The following MGAT4C variants were observed in gnomAD, a reference collection of about 807,000 sequenced individuals.
MGAT4C encodes the protein alpha-1,3-mannosyl-glycoprotein 4-beta-N-acetylglucosaminyltransferase C.
A neutral mutation model predicts 40.1 loss-of-function variants in MGAT4C; 19 were observed. That is an observed-to-expected ratio of 0.47 (90% CI 0.33 to 0.70). The LOEUF is 0.70. Ranked by LOEUF, MGAT4C falls within the 30% of genes least tolerant of loss-of-function variation. MGAT4C has a pLI of 0.02. For synonymous variants in MGAT4C, 181 were observed against 187.1 expected, an observed-to-expected ratio of 0.97 and a Z score of 0.27; for missense variants, 491 against 563.2, an observed-to-expected ratio of 0.87 and a Z score of 1.30.
chr12:86,626,069 G>T (rs1363552126), intron 2 of MGAT4C, among the ~76,000 whole-genome samples: 1 of 152,134 alleles, frequency 6.6e-6, no homozygotes, highest in African/African-American at 2.4e-5. Flanking sequence ...TTAAAAGAAT[G>T]GGGAAGTGGC....
chr12:86,762,054 CTT>C (rs762352642), intron 1 of MGAT4C, among the ~76,000 whole-genome samples: 2 of 143,508 alleles, frequency 1.4e-5, no homozygotes, highest in Admixed American at 7.0e-5. Flanking sequence ...ATAGGCTGCA[CTT>C]TTTTTTTTTT....
intron 1 of MGAT4C, among the ~76,000 whole-genome samples, chr12:86,208,982 G>T (rs576663724): frequency 6.6e-6 from 1 of 152,130 alleles, no homozygotes; most frequent in East Asian, 1.9e-4. Context: ...TTTTTCATTT[G>T]TATGGACTTT....
chr12:86,823,999 G>A (rs1052645406), intron 1 of MGAT4C, among the ~76,000 whole-genome samples: 10 of 151,310 alleles, frequency 6.6e-5, no homozygotes, highest in Non-Finnish European at 1.5e-4. Flanking sequence ...AAATAAACAA[G>A]GTGTAAGTTT....
chr12:86,183,148 T>C (rs555032665), intron 1 of MGAT4C, among the ~76,000 whole-genome samples: 24 of 152,212 alleles, frequency 1.6e-4, no homozygotes, highest in Admixed American at 7.2e-4. Flanking sequence ...GCTTTATGTT[T>C]TCACATATAT....
At chr12:86,253,185 G>C (rs1461432641) in intron 1 of MGAT4C, among the ~76,000 whole-genome samples, 1 of 151,798 alleles carries the variant, frequency 6.6e-6, no homozygotes, top group African/African-American at 2.4e-5. Flanking sequence ...AAAGATGAGA[G>C]CTTTTCAGGT....
intron 2 of MGAT4C, among the ~76,000 whole-genome samples, chr12:86,573,422 G>T (rs1349448907): frequency 2.0e-5 from 3 of 151,988 alleles, no homozygotes; most frequent in Non-Finnish European, 4.4e-5. Context: ...AAAAGAGAAA[G>T]AAATTGAGTC....
At chr12:86,615,821 G>T (rs762181695) in intron 2 of MGAT4C, among the ~76,000 whole-genome samples, 7 of 151,930 alleles carry the variant, frequency 4.6e-5, no homozygotes, top group Non-Finnish European at 1.0e-4. Flanking sequence ...TAAATTTATG[G>T]ACACACTCTA....
At chr12:86,369,324 T>C (rs1026170972) in intron 3 of MGAT4C, among the ~76,000 whole-genome samples, 5 of 151,978 alleles carry the variant, frequency 3.3e-5, no homozygotes, top group African/African-American at 9.7e-5. Context: ...TGTTAGTTTA[T>C]TTACATTTAT....
intron 2 of MGAT4C, among the ~76,000 whole-genome samples, chr12:86,013,290 A>G (rs904120935): frequency 1.2e-4 from 18 of 152,198 alleles, no homozygotes; most frequent in Admixed American, 3.3e-4. Flanking sequence ...GTCTTGCTCT[A>G]TCGCCCAGGC....
intron 1 of MGAT4C, among the ~76,000 whole-genome samples, chr12:86,255,460 A>G (rs1952477848): frequency 6.6e-6 from 1 of 152,088 alleles, no homozygotes; most frequent in Non-Finnish European, 1.5e-5. Context: ...TTTTGCTACA[A>G]TATAACAAGA....
chr12:86,084,812 TG>T (rs1194924494), intron 1 of MGAT4C, among the ~76,000 whole-genome samples: 3 of 151,846 alleles, frequency 2.0e-5, no homozygotes, highest in Admixed American at 6.6e-5. Context: ...TGAGACTATT[TG>T]GGGTGGCTGG....
At chr12:86,558,623 A>G (rs1565848185) in intron 2 of MGAT4C, among the ~76,000 whole-genome samples, 2 of 152,042 alleles carry the variant, frequency 1.3e-5, no homozygotes, top group Non-Finnish European at 2.9e-5. Context: ...TCATCACTAA[A>G]CCAGTCCTAT....
intron 2 of MGAT4C, among the ~76,000 whole-genome samples, chr12:86,532,513 G>A (rs1044775992): frequency 1.3e-5 from 2 of 151,932 alleles, no homozygotes; most frequent in Non-Finnish European, 2.9e-5. Flanking sequence ...GCAGGTCAAA[G>A]GCCAAAGACA....
chr12:86,417,991 GAGACA>G (rs1956749329), intron 3 of MGAT4C, among the ~76,000 whole-genome samples: 1 of 152,176 alleles, frequency 6.6e-6, no homozygotes, highest in South Asian at 2.1e-4. Flanking sequence ...AGAAATGGTG[GAGACA>G]AGACTAGAGT....
At chr12:86,199,895 T>G (rs1430716724) in intron 1 of MGAT4C, among the ~76,000 whole-genome samples, 1 of 152,092 alleles carries the variant, frequency 6.6e-6, no homozygotes. Flanking sequence ...TTATGTATAA[T>G]GAAATGCAAA....
intron 2 of MGAT4C, among the ~76,000 whole-genome samples, chr12:86,556,799 T>C (rs1959633247): frequency 6.6e-6 from 1 of 152,198 alleles, no homozygotes; most frequent in Admixed American, 6.5e-5. Flanking sequence ...CTGAACTACC[T>C]GGCCATTTCC....
At chr12:86,400,325 C>T (rs1956333483) in intron 3 of MGAT4C, among the ~76,000 whole-genome samples, 1 of 152,112 alleles carries the variant, frequency 6.6e-6, no homozygotes, top group South Asian at 2.1e-4. Context: ...CTTTTTATTT[C>T]TTAGTATTAG....
chr12:86,393,211 C>T (rs889157448), intron 3 of MGAT4C, among the ~76,000 whole-genome samples: 2 of 152,108 alleles, frequency 1.3e-5, no homozygotes, highest in Non-Finnish European at 2.9e-5. Context: ...ATTATTTACT[C>T]TTCAGAGATC....
chr12:86,496,365 T>C (rs1363141105), intron 2 of MGAT4C, among the ~76,000 whole-genome samples: 1 of 152,018 alleles, frequency 6.6e-6, no homozygotes, highest in Admixed American at 6.6e-5. Flanking sequence ...CCATTTCCAA[T>C]GTGAATGAGC....
Sources: allele counts gnomAD v4.1 joint callset (sites outside exome capture counted in the v4.1 genomes callset), GRCh38; gene constraint gnomAD v4.1.1; transcripts MANE v1.5; gene names NCBI Gene and HGNC (gene_info 2026-07-23, HGNC 2026-07-21).